The following LDB2 variants were observed in gnomAD, a reference collection of about 807,000 sequenced individuals.
LDB2 encodes LIM domain binding 2.
In LDB2, 12 loss-of-function variants were observed where a neutral mutation model predicts 44.3. That is an observed-to-expected ratio of 0.27 (90% CI 0.17 to 0.44). The LOEUF (loss-of-function observed/expected upper bound fraction) is 0.44, where lower values mean the gene tolerates loss of function less well. LDB2 is among the 20% of genes least tolerant of loss of function. LDB2 has a pLI of 1.00. For synonymous variants in LDB2, 164 were observed against 174.8 expected (o/e 0.94, Z 0.49); for missense variants, 344 against 473.5 (o/e 0.73, Z 2.54).
intron 2 of LDB2, among the ~76,000 whole-genome samples, chr4:16,662,315 G>C (rs185656845): frequency 1.5e-4 from 23 of 152,200 alleles, no homozygotes; most frequent in African/African-American, 5.1e-4. Flanking sequence ...GTAATCATTT[G>C]TTGAAAGATG....
chr4:16,595,791 G>C lies in LDB2; in HGVS notation c.320C>G (p.Ser107Trp), dbSNP rs368934726. The change falls in exon 3 of 8, where the codon TCG becomes TGG. Residue 107 changes from serine (S) to tryptophan (W), a missense_variant. Transcript: ENST00000304523. Reference protein sequence around the residue: ...VTDLYYILKHSKESYHNSSIT... With the variant: ...VTDLYYILKHWKESYHNSSIT... ...GGATGAGTTGTGGTATGACTCTTTCGAGTGTTTGAGAATGTAATACAGGTC... is the reference window on the plus strand; with the variant it reads ...GGATGAGTTGTGGTATGACTCTTTCCAGTGTTTGAGAATGTAATACAGGTC... The C allele has an allele frequency of 1.8e-4, 298 of 1,613,480 alleles. No individual in the cohort carries two copies. Among genetic ancestry groups the C allele is most frequent in the Non-Finnish European group, 2.5e-4 (294 of 1,179,814 alleles).
intron 1 of LDB2, among the ~76,000 whole-genome samples, chr4:16,765,780 T>C (rs996504311): frequency 6.6e-6 from 1 of 152,208 alleles, no homozygotes; most frequent in Non-Finnish European, 1.5e-5. Context: ...ACATCACTGT[T>C]ATCTCATCTC....
intron 1 of LDB2, among the ~76,000 whole-genome samples, chr4:16,814,092 G>A (rs187745055): frequency 0.012 from 1,794 of 152,126 alleles, 40 homozygotes; most frequent in African/African-American, 0.04. Context: ...GGATGGTCTC[G>A]ATCTCCTGAC....
chr4:16,514,037 G>A (rs1018135750), intron 5 of LDB2, among the ~76,000 whole-genome samples: 6 of 152,172 alleles, frequency 3.9e-5, no homozygotes, highest in African/African-American at 1.4e-4. Context: ...AATGCTGAAC[G>A]GAGAGACAAA....
intron 5 of LDB2, among the ~76,000 whole-genome samples, chr4:16,576,192 G>A (rs756071994): frequency 2.6e-5 from 4 of 151,940 alleles, no homozygotes; most frequent in Non-Finnish European, 5.9e-5. Flanking sequence ...CTAGAAAAAC[G>A]AGAGCAAACC....
At chr4:16,704,159 C>T (rs57826888) in intron 2 of LDB2, among the ~76,000 whole-genome samples, 89 of 152,284 alleles carry the variant, frequency 5.8e-4, no homozygotes, top group African/African-American at 2.1e-3. Flanking sequence ...CTGTACAAGA[C>T]CATTATTGTG....
At chr4:16,852,146 A>G (rs1025843073) in intron 1 of LDB2, among the ~76,000 whole-genome samples, 3 of 152,182 alleles carry the variant, frequency 2.0e-5, no homozygotes, top group African/African-American at 7.2e-5. Flanking sequence ...TGGGGTTTTT[A>G]TGAAGATGCA....
chr4:16,615,794 G>A lies in LDB2; in HGVS notation c.236-19919C>T, dbSNP rs566419820. ...GGTCTAGGGAACCCTCCTGGGATTC[G>A]TCCTCCCAAGGCTCCTTAGGCCTGA... On this transcript the variant is annotated intron_variant, in intron 2 of 7. Transcript: ENST00000304523. 1.2e-4 allele frequency among the ~76,000 whole-genome samples: 18 copies of A among 152,278 alleles called. No homozygotes were observed. In the South Asian group the frequency reaches 2.5e-3, roughly 21 times the overall value.
rs16893694 is a variant in LDB2 at position 16,637,136 on chromosome 4, C to G, written c.236-41261G>C. ...TGGCTTTGGAAACACTTTCTTTAGT[C>G]TGGCCCAACCCAGGGAAAATATTCA... is the stretch of plus-strand genomic sequence containing the variant. On this transcript the variant is annotated intron_variant, in intron 2 of 7. Coordinates refer to ENST00000304523, the MANE Select transcript of LDB2 (RefSeq NM_001290.5). Among the ~76,000 whole-genome samples, 1,409 of 152,232 alleles carry G rather than the reference C, an allele frequency of 9.3e-3. 70 individuals are homozygous for G. Among genetic ancestry groups the G allele is most frequent in the Admixed American group, 0.063 (960 of 15,282 alleles).
chr4:16,779,490 C>A (rs1772685839), intron 1 of LDB2, among the ~76,000 whole-genome samples: 1 of 152,268 alleles, frequency 6.6e-6, no homozygotes, highest in African/African-American at 2.4e-5. Flanking sequence ...GCCCCACCTG[C>A]CACCTTGGCC....
intron 2 of LDB2, among the ~76,000 whole-genome samples, chr4:16,604,533 A>G (rs1211981805): frequency 1.3e-5 from 2 of 149,636 alleles, no homozygotes; most frequent in African/African-American, 4.9e-5. Flanking sequence ...ATATATTTAT[A>G]TATATATATG....
chr4:16,555,107 T>G (rs1475551319), intron 5 of LDB2, among the ~76,000 whole-genome samples: 2 of 151,946 alleles, frequency 1.3e-5, no homozygotes, highest in East Asian at 3.9e-4. Flanking sequence ...TTTTTTTTTT[T>G]TTTTGAAGTT....
chr4:16,895,926 T>C (rs1724872407), intron 1 of LDB2, among the ~76,000 whole-genome samples: 1 of 152,172 alleles, frequency 6.6e-6, no homozygotes, highest in Admixed American at 6.5e-5. Context: ...AATATTTAAA[T>C]ATCTTAGGAG....
intron 5 of LDB2, among the ~76,000 whole-genome samples, chr4:16,513,023 A>C (rs1000226195): frequency 6.6e-6 from 1 of 152,202 alleles, no homozygotes; most frequent in African/African-American, 2.4e-5. Context: ...ACAATGATAT[A>C]AATATCGGCC....
chr4:16,832,251 A>G (rs147216283), intron 1 of LDB2, among the ~76,000 whole-genome samples: 32 of 152,338 alleles, frequency 2.1e-4, no homozygotes, highest in African/African-American at 7.7e-4. Context: ...TGTTGGTATT[A>G]TCATCATTTT....
chr4:16,677,748 T>C (rs1277774055), intron 2 of LDB2, among the ~76,000 whole-genome samples: 1 of 152,266 alleles, frequency 6.6e-6, no homozygotes, highest in Non-Finnish European at 1.5e-5. Flanking sequence ...CTAAGCCAGA[T>C]GGGCTGCCAG....
chr4:16,555,615 G>T (rs903201109), intron 5 of LDB2, among the ~76,000 whole-genome samples: 1 of 152,014 alleles, frequency 6.6e-6, no homozygotes, highest in Admixed American at 6.5e-5. Flanking sequence ...CTCCTTTCTT[G>T]AATGCGAAAC....
rs1249970348 is a variant in LDB2 at position 16,805,992 on chromosome 4, A to G, written c.133-46732T>C. Among the ~76,000 whole-genome samples the G allele has an allele frequency of 2.0e-5, 3 of 152,184 alleles. No individual in the cohort carries two copies. In the East Asian group the frequency reaches 5.8e-4, roughly 29 times the overall value. ...CAGGATGGTTATCACTGCTATCATTACCTTTACCAAACACTTACTATGTGA... is the reference window on the plus strand; with the variant it reads ...CAGGATGGTTATCACTGCTATCATTGCCTTTACCAAACACTTACTATGTGA... On this transcript the variant is annotated intron_variant, in intron 1 of 7. Coordinates refer to ENST00000304523, the MANE Select transcript of LDB2 (RefSeq NM_001290.5).
chr4:16,677,578 T>TC (rs1254438736), intron 2 of LDB2, among the ~76,000 whole-genome samples: 3 of 152,152 alleles, frequency 2.0e-5, no homozygotes, highest in African/African-American at 7.2e-5. Flanking sequence ...ACAAGACCCC[T>TC]CCTTGGGAAA....
Sources: gnomAD v4.1 joint callset for allele counts (sites outside exome capture counted in the v4.1 genomes callset) on GRCh38, gnomAD v4.1.1 for gene constraint, MANE v1.5 for transcripts, NCBI Gene and HGNC (gene_info 2026-07-23, HGNC 2026-07-21) for gene names.